ACADM: variants seen among roughly 807,000 people sequenced by gnomAD.
ACADM encodes acyl-CoA dehydrogenase medium chain, also known as medium-chain specific acyl-CoA dehydrogenase, mitochondrial.
Under a neutral mutation model 58.9 loss-of-function variants are expected in ACADM, and 49 were observed. The ratio of observed to expected loss-of-function variants is 0.83; its 90% CI spans 0.66 to 1.06. The LOEUF is 1.06. ACADM is among the 50% of genes least tolerant of loss of function. ACADM has a pLI of 0.00. For missense variants in ACADM, 496 were observed against 507.0 expected (o/e 0.98, Z 0.21); for synonymous variants, 160 against 157.7 (o/e 1.01, Z -0.11).
At chr1:75,738,919 G>C (rs1647417803) in intron 6 of ACADM, among the ~76,000 whole-genome samples, 1 of 152,082 alleles carries the variant, frequency 6.6e-6, no homozygotes, top group African/African-American at 2.4e-5. Flanking sequence ...GCTCTAAGAG[G>C]CTCCCCTGTT....
At position 75,733,163 on chromosome 1, in the gene ACADM, C is replaced by G. The variant is rs190995228; in HGVS notation, c.286+241C>G. ...ACCTAAACCTTGGTAACTTCCGTTT[C>G]TAGAGTTGGTCAATTTGTTGTGTTT... On this transcript the variant is annotated intron_variant, in intron 4 of 11. Transcript: ENST00000370841. The G allele has an allele frequency of 3.7e-6, 6 of 1,612,500 alleles. No individual in the cohort carries two copies. In the East Asian group the frequency reaches 1.3e-4, roughly 36 times the overall value.
At chr1:75,739,853 C>G (rs1264494776) in intron 6 of ACADM, 127 bp from the exon 7 acceptor site, 1 of 679,760 alleles carries the variant, frequency 1.5e-6, no homozygotes, top group African/African-American at 1.9e-5. Context: ...TTTGTAAGAA[C>G]ATTTTAATTT....
Position 75,733,588 on chromosome 1 carries a change from G to A in ACADM, c.347G>A (p.Cys116Tyr), listed in dbSNP as rs875989859. 1.2e-5 allele frequency: 19 copies of A among 1,614,072 alleles called. No homozygotes were observed. Among genetic ancestry groups the A allele is most frequent in the Non-Finnish European group, 1.6e-5 (19 of 1,179,986 alleles). Residue 116 changes from cysteine (C) to tyrosine (Y), a missense_variant, in exon 5 of 12, where the codon TGT (cysteine) becomes TAT (tyrosine). Physicochemically the swap from Cys to Tyr is radical, Grantham distance 194. Coordinates refer to ENST00000370841, the MANE Select transcript of ACADM (RefSeq NM_000016.6). ...CLISEELAYGCTGVQTAIEGN... is the reference protein window; with the variant it reads ...CLISEELAYGYTGVQTAIEGN... Reference sequence around the variant, plus strand: ...ATTAGTGAAGAATTGGCTTATGGATGTACAGGGGTTCAGACTGCTATTGAA... The same window carrying A: ...ATTAGTGAAGAATTGGCTTATGGATATACAGGGGTTCAGACTGCTATTGAA...
rs1391125669 is a variant in ACADM, at chr1:75,743,649, AAC to A, written c.600-2154_600-2153del. 6 of 1,501,850 alleles carry A rather than the reference AAC, an allele frequency of 4.0e-6. No individual in the cohort carries two copies. The African/African-American group carries it at 6.9e-5, about 17-fold the overall frequency. 93.0% of individuals were successfully genotyped at this position (1,501,850 alleles called of 1,614,324 possible). A position where few individuals can be genotyped will look rare whatever the true frequency, so the allele number is the denominator to read the frequency against. ...ATGGGTGTTCAAAGAGTGAGCCAAA[AAC>A]ACCTCCATTGCTAATGGTGAAGGTA... On this transcript the variant is annotated intron_variant, in intron 7 of 11. Coordinates refer to ENST00000370841, the MANE Select transcript of ACADM (RefSeq NM_000016.6).
Position 75,724,836 on chromosome 1 carries a change from G to C in ACADM, c.30+19G>C. 1 of 1,470,924 alleles carries C rather than the reference G, an allele frequency of 6.8e-7. No individual in the cohort carries two copies. The highest frequency in any genetic ancestry group is 9.0e-7 in the Non-Finnish European group (1 of 1,105,886). The allele number at this position is 1,470,924 out of a possible 1,614,324, so 91.1% of individuals were successfully genotyped here. A position where few individuals can be genotyped will look rare whatever the true frequency, so the allele number is the denominator to read the frequency against. On this transcript the variant is annotated intron_variant, in intron 1 of 11. Coordinates refer to ENST00000370841, the MANE Select transcript of ACADM (RefSeq NM_000016.6). ...CTGCAGGGTGAGAGGGAGCCCAGCG[G>C]TGCGGTGGGGCTGGAACATGGGTAT... is the stretch of plus-strand genomic sequence containing the variant.
intron 3 of ACADM, 45 bp from the exon 4 acceptor site, chr1:75,732,808 A>G: frequency 2.5e-6 from 4 of 1,606,182 alleles, no homozygotes; most frequent in Non-Finnish European, 2.6e-6. Context: ...TAATCAAACT[A>G]TCTGGATTTC....
Position 75,740,000 on chromosome 1 carries a change from T to C in ACADM, c.489T>C (p.Pro163=). ...TCAAGGCTTATTGTGTAACAGAACC[T>C]GGAGCAGGCTCTGATGTAGCTGGTA... is the stretch of plus-strand genomic sequence containing the variant. The part of the protein sequence containing the change: ...PLMCAYCVTE[P]GAGSDVAGIK... The change falls in exon 7 of 12, where the codon CCT becomes CCC. Residue 163 remains proline (P), a synonymous_variant. Coordinates refer to ENST00000370841, the MANE Select transcript of ACADM (RefSeq NM_000016.6). 6 of 1,612,240 alleles carry C rather than the reference T, an allele frequency of 3.7e-6. No homozygotes were observed. Among genetic ancestry groups the C allele is most frequent in the Non-Finnish European group, 5.1e-6 (6 of 1,178,696 alleles).
chr1:75,744,186 G>T lies in ACADM; in HGVS notation c.600-1620G>T, dbSNP rs550084047. ...GCAGTGGGTTTTACTGCAGACACAG[G>T]TTTGCTAGAAGGAGGTTGTGAGGGC... On this transcript the variant is annotated intron_variant, in intron 7 of 11. Coordinates refer to ENST00000370841, the MANE Select transcript of ACADM (RefSeq NM_000016.6). 2.5e-6 allele frequency: 4 copies of T among 1,572,928 alleles called. No homozygotes were observed. The Middle Eastern group carries it at 5.0e-4, about 196-fold the overall frequency.
At chr1:75,741,694 C>T (rs546780579) in intron 7 of ACADM, among the ~76,000 whole-genome samples, 52 of 152,214 alleles carry the variant, frequency 3.4e-4, no homozygotes, top group African/African-American at 1.1e-3. Context: ...ACAATTTTTA[C>T]GATTTTGTTA....
intron 10 of ACADM, among the ~76,000 whole-genome samples, chr1:75,755,524 C>T (rs749416456): frequency 3.3e-5 from 5 of 152,320 alleles, no homozygotes; most frequent in Non-Finnish European, 7.4e-5. Flanking sequence ...CCAGCAAACT[C>T]CAACAGACCT....
chr1:75,728,369 C>T (rs7524467), intron 1 of ACADM, 32 bp from the exon 2 acceptor site: 2 of 1,562,172 alleles, frequency 1.3e-6, no homozygotes, highest in African/African-American at 1.4e-5. Context: ...TTTAACTTAT[C>T]AAATTTATTT....
intron 7 of ACADM, chr1:75,744,734 A>C (rs1415795450): frequency 2.7e-6 from 2 of 745,100 alleles, no homozygotes; most frequent in African/African-American, 3.4e-5. Context: ...GCAGAGAGCG[A>C]GTGGCTGAAC....
intron 5 of ACADM, among the ~76,000 whole-genome samples, chr1:75,734,176 TTTTTTGA>T: frequency 6.9e-6 from 1 of 143,958 alleles, no homozygotes; most frequent in African/African-American, 2.6e-5. Context: ...TTTTTTTTTT[TTTTTTGA>T]GACGGAGTCT....
Position 75,750,548 on chromosome 1 carries a change from T to A in ACADM, c.945+2T>A. ...ACTTTCGGAAAGCTACTTGTAGAGG[T>A]AATTTTAATACTGCTTGCTTTGTTC... On this transcript the variant is annotated splice_donor_variant, in intron 10 of 11. Transcript: ENST00000370841. LOFTEE classifies it high-confidence loss of function. 6.3e-7 allele frequency: 1 copy of A among 1,585,500 alleles called. No individual in the cohort carries two copies. Among genetic ancestry groups the A allele is most frequent in the Non-Finnish European group, 8.6e-7 (1 of 1,156,334 alleles).
At chr1:75,740,384 A>G (rs771824215) in intron 7 of ACADM, among the ~76,000 whole-genome samples, 7 of 152,166 alleles carry the variant, frequency 4.6e-5, no homozygotes, top group Non-Finnish European at 7.3e-5. Flanking sequence ...CACTCTGTCT[A>G]CTTGGCTTAT....
chr1:75,743,675 T>G, intron 7 of ACADM: 2 of 1,464,884 alleles, frequency 1.4e-6, no homozygotes, highest in South Asian at 2.3e-5. Context: ...ATGGTGAAGG[T>G]ACCACCATCC....
intron 6 of ACADM, among the ~76,000 whole-genome samples, chr1:75,735,810 C>T (rs1340686408): frequency 1.3e-5 from 2 of 150,568 alleles, no homozygotes; most frequent in Non-Finnish European, 2.9e-5. Flanking sequence ...GCACTGCACT[C>T]CAGCCTGGGC....
rs1237259422 is a variant in ACADM, at chr1:75,728,410, A to T, written c.40A>T (p.Ser14Cys). 5 of 1,612,616 alleles carry T rather than the reference A, an allele frequency of 3.1e-6. No individual in the cohort carries two copies. The African/African-American group carries it at 6.7e-5, about 22-fold the overall frequency. Residue 14 changes from serine (S) to cysteine (C), a missense_variant, in exon 2 of 12, where the codon AGT becomes TGT. By Grantham distance (112) the Ser-to-Cys change is moderately radical. Coordinates refer to ENST00000370841, the MANE Select transcript of ACADM (RefSeq NM_000016.6). Reference protein sequence around the residue: ...GFGRCCRVLRSISRFHWRSQH... With the variant: ...GFGRCCRVLRCISRFHWRSQH... ...AAAGTGTTCTTTACAGGTCCTGAGA[A>T]GTATTTCTCGTTTTCATTGGAGATC...
At position 75,734,833 on chromosome 1, in the gene ACADM, AAGT is replaced by A; in HGVS notation, c.432_434del (p.Lys144_Tyr145delinsAsn). The A allele has an allele frequency of 6.2e-7, 1 of 1,613,956 alleles. No homozygotes were observed. The highest frequency in any genetic ancestry group is 8.5e-7 in the Non-Finnish European group (1 of 1,179,912). ...TGCTGGAAATGATCAACAAAAGAAG[AAGT>A]ATTTGGGGAGAATGACTGAGGAGCC... On this transcript the variant is annotated inframe_deletion, in exon 6 of 12. Transcript: ENST00000370841.
Sources: allele counts gnomAD v4.1 joint callset (sites outside exome capture counted in the v4.1 genomes callset), GRCh38; gene constraint gnomAD v4.1.1; transcripts MANE v1.5; gene names NCBI Gene and HGNC (gene_info 2026-07-23, HGNC 2026-07-21).